The following DENND1B variants were observed in gnomAD, a reference collection of about 807,000 sequenced individuals.
DENND1B encodes the protein DENN domain containing 1B, also known as DENN domain-containing protein 1B.
DENND1B carries 59 observed loss-of-function variants against 90.1 expected under a neutral mutation model. That is an observed-to-expected ratio of 0.65 (90% CI 0.53 to 0.81). The LOEUF (loss-of-function observed/expected upper bound fraction) is 0.81. Among genes scored for constraint, DENND1B ranks in the 40% least tolerant of loss-of-function variants. The pLI is 0.00. For missense variants in DENND1B, 862 were observed against 912.6 expected, an observed-to-expected ratio of 0.94 and a Z score of 0.71; for synonymous variants, 337 against 324.6, an observed-to-expected ratio of 1.04 and a Z score of -0.41.
At chr1:197,766,495 T>A (rs1422299475) in intron 2 of DENND1B, among the ~76,000 whole-genome samples, 1 of 152,224 alleles carries the variant, frequency 6.6e-6, no homozygotes, top group Non-Finnish European at 1.5e-5. Flanking sequence ...TTAGTATGTA[T>A]GAATGGTTAT....
intron 5 of DENND1B, among the ~76,000 whole-genome samples, chr1:197,659,649 G>T (rs1299923067): frequency 6.6e-6 from 1 of 152,028 alleles, no homozygotes; most frequent in East Asian, 1.9e-4. Flanking sequence ...AATGCAGGTG[G>T]ATGACTTTGT....
intron 2 of DENND1B, among the ~76,000 whole-genome samples, chr1:197,763,397 C>T (rs906941200): frequency 1.4e-4 from 21 of 152,200 alleles, no homozygotes. Flanking sequence ...TAATACCCTA[C>T]ACAATTTCCA....
chr1:197,567,263 CCAG>C (rs1672755905), intron 15 of DENND1B, among the ~76,000 whole-genome samples: 1 of 151,620 alleles, frequency 6.6e-6, no homozygotes, highest in Admixed American at 6.6e-5. Context: ...ATTGAATAAC[CCAG>C]AAGAAATGAA....
At chr1:197,670,027 T>C (rs1655332190) in intron 5 of DENND1B, among the ~76,000 whole-genome samples, 1 of 152,150 alleles carries the variant, frequency 6.6e-6, no homozygotes, top group South Asian at 2.1e-4. Flanking sequence ...ATTATTGTAT[T>C]TGCTTTAGAG....
chr1:197,657,615 G>A (rs1337477519), intron 6 of DENND1B, among the ~76,000 whole-genome samples: 1 of 152,094 alleles, frequency 6.6e-6, no homozygotes, highest in Admixed American at 6.5e-5. Flanking sequence ...TGAGGGAAAC[G>A]GAACCCTTGT....
intron 3 of DENND1B, among the ~76,000 whole-genome samples, chr1:197,702,945 T>C (rs16841895): frequency 0.019 from 2,827 of 152,294 alleles, 84 homozygotes; most frequent in African/African-American, 0.064. Flanking sequence ...AAAGAATTAT[T>C]TTGCCCTAAA....
At chr1:197,596,462 C>T (rs1425472916) in intron 13 of DENND1B, among the ~76,000 whole-genome samples, 1 of 151,702 alleles carries the variant, frequency 6.6e-6, no homozygotes, top group Non-Finnish European at 1.5e-5. Context: ...AGTTGTGTAA[C>T]AATTCTGTTT....
At chr1:197,513,738 GT>G (rs1363504851) in intron 20 of DENND1B, among the ~76,000 whole-genome samples, 2 of 151,150 alleles carry the variant, frequency 1.3e-5, no homozygotes, top group Non-Finnish European at 3.0e-5. Context: ...TTTTTAGTAC[GT>G]TTCTTTGGAC....
At chr1:197,621,269 AT>A (rs1678134253) in intron 10 of DENND1B, among the ~76,000 whole-genome samples, 1 of 150,872 alleles carries the variant, frequency 6.6e-6, no homozygotes, top group East Asian at 2.0e-4. Context: ...TACCTGGAAC[AT>A]TTGAGAATAT....
intron 15 of DENND1B, among the ~76,000 whole-genome samples, chr1:197,569,031 T>C (rs144591977): frequency 1.3e-3 from 196 of 152,086 alleles, no homozygotes; most frequent in Middle Eastern, 3.4e-3. Context: ...GTAAATTATA[T>C]CTGATAAGGA....
chr1:197,506,335 A>G lies in DENND1B; in HGVS notation c.*4125T>C, dbSNP rs1173835040. 3 of 151,566 alleles carry G rather than the reference A, an allele frequency of 2.0e-5. No homozygotes were observed. Among genetic ancestry groups the G allele is most frequent in the South Asian group, 4.1e-4 (2 of 4,824 alleles). The allele number at this position is 151,566 out of a possible 1,614,324, so 9.4% of individuals were successfully genotyped here. On this transcript the variant is annotated 3_prime_UTR_variant, in exon 23 of 23. Coordinates refer to ENST00000620048, the MANE Select transcript of DENND1B (RefSeq NM_001195215.2). The stretch of plus-strand genomic sequence containing the variant: ...TAAGGTGTAACAACATACACTAACA[A>G]TATTACTGGGTTTGACCCAGGAACA...
rs2125582936 is a variant in DENND1B at position 197,505,762 on chromosome 1, T to C, written c.*4698A>G. On this transcript the variant is annotated 3_prime_UTR_variant, in exon 23 of 23. Transcript: ENST00000620048. ...TATTGGCAATGCCCTTTATAAATCTTATCAAAGATTCATCACAAAGGATAC... is the reference window on the plus strand; with the variant it reads ...TATTGGCAATGCCCTTTATAAATCTCATCAAAGATTCATCACAAAGGATAC... The C allele has an allele frequency of 6.6e-6, 1 of 151,802 alleles. No homozygotes were observed. The highest frequency in any genetic ancestry group is 1.9e-4 in the East Asian group (1 of 5,150). The allele number at this position is 151,802 out of a possible 1,614,324, so 9.4% of individuals were successfully genotyped here. A position where few individuals can be genotyped will look rare whatever the true frequency, so the allele number is the denominator to read the frequency against.
intron 15 of DENND1B, among the ~76,000 whole-genome samples, chr1:197,577,214 C>T (rs1301404517): frequency 6.6e-6 from 1 of 152,044 alleles, no homozygotes; most frequent in Admixed American, 6.6e-5. Context: ...ATGAACAGAG[C>T]TCTAAAGGAA....
chr1:197,703,982 C>T (rs1347705019), intron 3 of DENND1B, among the ~76,000 whole-genome samples: 1 of 152,116 alleles, frequency 6.6e-6, no homozygotes, highest in Non-Finnish European at 1.5e-5. Flanking sequence ...CAGACTCATG[C>T]CTGTAATCCC....
chr1:197,651,594 T>C (rs1295024957), intron 7 of DENND1B, among the ~76,000 whole-genome samples: 2 of 151,500 alleles, frequency 1.3e-5, no homozygotes, highest in African/African-American at 2.4e-5. Flanking sequence ...TTATTAAGCA[T>C]GTGTGTATAT....
intron 20 of DENND1B, among the ~76,000 whole-genome samples, chr1:197,528,107 C>T (rs1457503962): frequency 6.6e-6 from 1 of 152,158 alleles, no homozygotes; most frequent in African/African-American, 2.4e-5. Flanking sequence ...CCCATCTTTT[C>T]TTATGCTTAG....
At chr1:197,607,420 C>T (rs181561102) in intron 12 of DENND1B, among the ~76,000 whole-genome samples, 9 of 150,836 alleles carry the variant, frequency 6.0e-5, no homozygotes, top group Non-Finnish European at 7.4e-5. Context: ...AACATAACTA[C>T]AACAAAAATT....
chr1:197,522,263 C>T (rs757051351), intron 20 of DENND1B, among the ~76,000 whole-genome samples: 8 of 152,128 alleles, frequency 5.3e-5, no homozygotes, highest in Middle Eastern at 3.4e-3. Flanking sequence ...TATCAAGATA[C>T]GTATTTGGTG....
In DENND1B at chr1:197,537,826, G is replaced by T. The variant is rs540904205; in HGVS notation, c.1515+2138C>A. Among the ~76,000 whole-genome samples the T allele has an allele frequency of 5.3e-5, 8 of 151,918 alleles. No homozygotes were observed. The East Asian group carries it at 1.5e-3, about 29-fold the overall frequency. On this transcript the variant is annotated intron_variant, in intron 20 of 22. Coordinates refer to ENST00000620048, the MANE Select transcript of DENND1B (RefSeq NM_001195215.2). ...TTTTTTAAGATCTACTTTACAGCATGGTGAATATAATTAATAACAGAGTAC... is the reference window on the plus strand; with the variant it reads ...TTTTTTAAGATCTACTTTACAGCATTGTGAATATAATTAATAACAGAGTAC...
Sources: gnomAD v4.1 joint callset for allele counts (sites outside exome capture counted in the v4.1 genomes callset) on GRCh38, gnomAD v4.1.1 for gene constraint, MANE v1.5 for transcripts, NCBI Gene and HGNC (gene_info 2026-07-23, HGNC 2026-07-21) for gene names.